Variants in LMO7 observed in about 807,000 individuals in gnomAD.
LMO7 encodes the protein LIM domain only protein 7.
A neutral mutation model predicts 206.5 loss-of-function variants in LMO7; 120 were observed. That is an observed-to-expected ratio of 0.58 (90% CI 0.50 to 0.68). LMO7 has a LOEUF of 0.68. Ranked by LOEUF, LMO7 falls within the 30% of genes least tolerant of loss-of-function variation. The pLI, the probability that LMO7 is intolerant of heterozygous loss-of-function variation, is 0.00. For missense variants in LMO7, 1,959 were observed against 1,957.9 expected (o/e 1.00, Z -0.01); for synonymous variants, 706 against 681.5 (o/e 1.04, Z -0.56).
Position 75,817,633 on chromosome 13 carries a change from T to C in LMO7, c.2064+355T>C, listed in dbSNP as rs925503477. On this transcript the variant is annotated intron_variant, in intron 12 of 30. Coordinates refer to ENST00000377534, the MANE Select transcript of LMO7 (RefSeq NM_001306080.2). ...TAATGGGAAAGACCTGGCCAAAATT[T>C]AGGGAGAGAAGAGGAACAGGGTTCT... 3.3e-5 allele frequency among the ~76,000 whole-genome samples: 5 copies of C among 152,208 alleles called. No individual in the cohort carries two copies. In the East Asian group the frequency reaches 9.7e-4, roughly 29 times the overall value.
chr13:75,623,532 T>G (rs1029710914), intron 2 of LMO7, among the ~76,000 whole-genome samples: 2 of 151,888 alleles, frequency 1.3e-5, no homozygotes, highest in Non-Finnish European at 2.9e-5. Context: ...CCAGGCAAGT[T>G]TTTGTACTTT....
At chr13:75,753,632 A>C (rs1469062007) in intron 3 of LMO7, among the ~76,000 whole-genome samples, 1 of 152,112 alleles carries the variant, frequency 6.6e-6, no homozygotes, top group African/African-American at 2.4e-5. Context: ...CTAGTGAGTG[A>C]GTTCTCACAA....
intron 27 of LMO7, among the ~76,000 whole-genome samples, chr13:75,852,842 T>A (rs1251088850): frequency 6.6e-6 from 1 of 152,212 alleles, no homozygotes; most frequent in Non-Finnish European, 1.5e-5. Flanking sequence ...TTAGGCTTAG[T>A]TACAATGTAT....
intron 21 of LMO7, 139 bp downstream of exon 21, chr13:75,840,249 T>A (rs2059463864): frequency 1.4e-6 from 2 of 1,382,336 alleles, no homozygotes; most frequent in East Asian, 4.6e-5. Context: ...AAACTTATTT[T>A]AAAATTCAAA....
Position 75,821,339 on chromosome 13 carries a change from T to G in LMO7, c.2370T>G (p.Ile790Met), listed in dbSNP as rs2057555723. ...EEKGATYPSE[I>M]PKEDSTTFAK... ...AGGGAGCAACTTATCCTTCAGAAAT[T>G]CCCAAAGAAGATTCTACCACTTTTG... Residue 790 changes from isoleucine to methionine, a missense_variant, in exon 14 of 31, where the codon ATT becomes ATG. By Grantham distance (10) the Ile-to-Met change is conservative. Coordinates refer to ENST00000377534, the MANE Select transcript of LMO7 (RefSeq NM_001306080.2). 2 of 1,614,084 alleles carry G rather than the reference T, an allele frequency of 1.2e-6. No homozygotes were observed. The highest frequency in any genetic ancestry group is 2.7e-5 in the African/African-American group (2 of 75,024).
chr13:75,722,141 G>T (rs1431035041), intron 2 of LMO7, among the ~76,000 whole-genome samples: 1 of 152,140 alleles, frequency 6.6e-6, no homozygotes, highest in African/African-American at 2.4e-5. Flanking sequence ...CTAGACATTG[G>T]CTTAGGCAAA....
At chr13:75,724,341 G>C (rs887510668) in intron 2 of LMO7, among the ~76,000 whole-genome samples, 1 of 152,120 alleles carries the variant, frequency 6.6e-6, no homozygotes, top group African/African-American at 2.4e-5. Context: ...AGTCTTGGGG[G>C]AAGAGAGAGA....
intron 29 of LMO7, among the ~76,000 whole-genome samples, chr13:75,855,989 G>A (rs1251234974): frequency 3.9e-5 from 6 of 152,210 alleles, no homozygotes; most frequent in African/African-American, 1.2e-4. Flanking sequence ...TCCATTGCTG[G>A]CTTGGGCTGT....
intron 12 of LMO7, among the ~76,000 whole-genome samples, chr13:75,819,049 G>A (rs1397637873): frequency 1.3e-5 from 2 of 152,196 alleles, no homozygotes; most frequent in East Asian, 3.9e-4. Flanking sequence ...GAACAGCCAG[G>A]TTTTTGGAGT....
intron 1 of LMO7, among the ~76,000 whole-genome samples, chr13:75,652,335 C>G (rs1332307832): frequency 1.3e-5 from 2 of 152,130 alleles, no homozygotes; most frequent in African/African-American, 4.8e-5. Flanking sequence ...ACCTGTTGCC[C>G]CTAGATGCTG....
chr13:75,679,329 C>T (rs1341767322), intron 1 of LMO7, among the ~76,000 whole-genome samples: 2 of 152,210 alleles, frequency 1.3e-5, no homozygotes, highest in Non-Finnish European at 2.9e-5. Flanking sequence ...CTCACTCATC[C>T]AGAGGCAATA....
chr13:75,834,781 T>C (rs2058983013), intron 17 of LMO7, among the ~76,000 whole-genome samples: 1 of 152,216 alleles, frequency 6.6e-6, no homozygotes, highest in Non-Finnish European at 1.5e-5. Flanking sequence ...GTCATATTTC[T>C]ATTTATTCTC....
upstream of LMO7, among the ~76,000 whole-genome samples, chr13:75,635,023 C>CAAA (rs3036377): frequency 3.7e-4 from 55 of 147,560 alleles, no homozygotes; most frequent in Middle Eastern, 3.5e-3. Context: ...CAAAACAAAA[C>CAAA]AAAACAAAAC....
chr13:75,717,362 C>CAA (rs55749528), intron 2 of LMO7, among the ~76,000 whole-genome samples: 8 of 90,752 alleles, frequency 8.8e-5, no homozygotes, highest in Non-Finnish European at 1.6e-4. Context: ...GACTCCGTCT[C>CAA]AAAAAAAAAA....
At chr13:75,781,681 T>A (rs58291021) in intron 4 of LMO7, among the ~76,000 whole-genome samples, 10,186 of 141,846 alleles carry the variant, frequency 0.072, 585 homozygotes, top group Admixed American at 0.16. Context: ...TTTCTAGTTC[T>A]AGATCCCTGA....
intron 4 of LMO7, among the ~76,000 whole-genome samples, chr13:75,777,026 G>A (rs1005769600): frequency 3.3e-5 from 5 of 152,230 alleles, no homozygotes; most frequent in African/African-American, 1.2e-4. Context: ...GTGAGGTGGC[G>A]TTTGCAATGT....
intron 1 of LMO7, among the ~76,000 whole-genome samples, chr13:75,649,399 G>A (rs1225691040): frequency 6.6e-6 from 1 of 152,156 alleles, no homozygotes; most frequent in African/African-American, 2.4e-5. Flanking sequence ...CTTAAGGGAA[G>A]CACTGATTTT....
chr13:75,725,158 A>G (rs60573418), intron 2 of LMO7, among the ~76,000 whole-genome samples: 1 of 152,008 alleles, frequency 6.6e-6, no homozygotes, highest in Admixed American at 6.6e-5. Flanking sequence ...TATTTTTTTT[A>G]AATGTACTTT....
At chr13:75,662,405 A>G (rs545285394) in intron 1 of LMO7, among the ~76,000 whole-genome samples, 1 of 152,228 alleles carries the variant, frequency 6.6e-6, no homozygotes, top group East Asian at 1.9e-4. Flanking sequence ...TGCAGTTGTG[A>G]CTTCCCAGAG....
Sources: allele counts gnomAD v4.1 joint callset (sites outside exome capture counted in the v4.1 genomes callset), GRCh38; gene constraint gnomAD v4.1.1; transcripts MANE v1.5; gene names NCBI Gene and HGNC (gene_info 2026-07-23, HGNC 2026-07-21).